NCAM2: variants seen among roughly 807,000 people sequenced by gnomAD.
The protein encoded by NCAM2 is neural cell adhesion molecule 2.
In NCAM2, 30 loss-of-function variants were observed where a neutral mutation model predicts 98.1. That is an observed-to-expected ratio of 0.31 (90% CI 0.23 to 0.41). The LOEUF (loss-of-function observed/expected upper bound fraction) is 0.41. Among genes scored for constraint, NCAM2 ranks in the 10% least tolerant of loss-of-function variants. NCAM2 has a pLI of 1.00. For synonymous variants in NCAM2, 368 were observed against 342.4 expected, an observed-to-expected ratio of 1.07 and a Z score of -0.83; for missense variants, 867 against 1,005.8, an observed-to-expected ratio of 0.86 and a Z score of 1.87.
chr21:21,524,140 G>A (rs1291390443), intron 16 of NCAM2, among the ~76,000 whole-genome samples: 1 of 151,912 alleles, frequency 6.6e-6, no homozygotes, highest in African/African-American at 2.4e-5. Context: ...ATGAAAGCAG[G>A]AATGGAAATA....
rs781034589 is a variant in NCAM2 at position 21,431,743 on chromosome 21, G to A, written c.1481-365G>A. On this transcript the variant is annotated intron_variant, in intron 11 of 17. Transcript: ENST00000400546. Reference sequence around the variant, plus strand: ...GAATAATTGATTTATGTATTCTAACGTTTTAACTACCCTCTTTATCTCTCT... The same window carrying A: ...GAATAATTGATTTATGTATTCTAACATTTTAACTACCCTCTTTATCTCTCT... Among the ~76,000 whole-genome samples the A allele has an allele frequency of 1.3e-4, 19 of 151,894 alleles. 1 individual carries two copies. The highest frequency in any genetic ancestry group is 2.4e-4 in the Non-Finnish European group (16 of 67,954).
chr21:21,421,149 A>G (rs1215800088), intron 11 of NCAM2, among the ~76,000 whole-genome samples: 1 of 151,958 alleles, frequency 6.6e-6, no homozygotes, highest in Non-Finnish European at 1.5e-5. Context: ...AGGGTGTATT[A>G]ATATTTGGTA....
intron 1 of NCAM2, among the ~76,000 whole-genome samples, chr21:21,222,136 A>G (rs76626441): frequency 0.013 from 1,973 of 152,242 alleles, 67 homozygotes; most frequent in South Asian, 0.066. Flanking sequence ...TACAGTTGAG[A>G]CCTACTACGC....
intron 5 of NCAM2, among the ~76,000 whole-genome samples, chr21:21,295,611 T>G (rs748175333): frequency 4.0e-5 from 6 of 151,776 alleles, no homozygotes; most frequent in Non-Finnish European, 7.4e-5. Context: ...TTTCTCTTGT[T>G]TTTTTCCTTC....
chr21:21,274,945 G>C (rs2072667266), intron 1 of NCAM2, among the ~76,000 whole-genome samples: 1 of 151,996 alleles, frequency 6.6e-6, no homozygotes, highest in South Asian at 2.1e-4. Flanking sequence ...AAATAGCAAA[G>C]GGCGCTTGGT....
chr21:21,276,694 A>G (rs1009299896), intron 1 of NCAM2, among the ~76,000 whole-genome samples: 4 of 152,136 alleles, frequency 2.6e-5, no homozygotes, highest in African/African-American at 9.6e-5. Context: ...TGTAGGATTT[A>G]CTAATATGCC....
chr21:21,108,321 C>G (rs905724213), intron 1 of NCAM2, among the ~76,000 whole-genome samples: 3 of 151,954 alleles, frequency 2.0e-5, no homozygotes, highest in Admixed American at 6.6e-5. Context: ...TTTCATACAA[C>G]TGGATTTCAT....
chr21:21,314,121 AC>A (rs2074143444), intron 5 of NCAM2, among the ~76,000 whole-genome samples: 1 of 152,062 alleles, frequency 6.6e-6, no homozygotes, highest in African/African-American at 2.4e-5. Context: ...TTTGTAACTC[AC>A]GTTTTATTTC....
intron 1 of NCAM2, among the ~76,000 whole-genome samples, chr21:21,061,391 G>T (rs2065318548): frequency 6.6e-6 from 1 of 152,114 alleles, no homozygotes; most frequent in Non-Finnish European, 1.5e-5. Context: ...GTTTGTTCCT[G>T]TTTTAATGAT....
intron 12 of NCAM2, among the ~76,000 whole-genome samples, chr21:21,445,815 T>G (rs1980042515): frequency 6.6e-6 from 1 of 152,148 alleles, no homozygotes. Context: ...GGGCATTTAG[T>G]CTGTTTACAT....
At chr21:21,355,850 C>G (rs900798132) in intron 8 of NCAM2, among the ~76,000 whole-genome samples, 5 of 152,094 alleles carry the variant, frequency 3.3e-5, no homozygotes, top group Non-Finnish European at 5.9e-5. Context: ...CTCAGGTGAT[C>G]CACCCACCTC....
intron 16 of NCAM2, among the ~76,000 whole-genome samples, chr21:21,524,739 G>A (rs549437154): frequency 4.0e-4 from 61 of 152,116 alleles, no homozygotes; most frequent in African/African-American, 1.4e-3. Context: ...CCTAGAATAG[G>A]CACCAAGATA....
intron 1 of NCAM2, among the ~76,000 whole-genome samples, chr21:21,157,420 G>A (rs910932291): frequency 6.6e-5 from 10 of 151,976 alleles, no homozygotes; most frequent in South Asian, 2.1e-4. Flanking sequence ...ATGAAAATTC[G>A]GCTTTTGTAT....
intron 15 of NCAM2, among the ~76,000 whole-genome samples, chr21:21,498,172 A>G (rs1987378670): frequency 6.6e-6 from 1 of 152,180 alleles, no homozygotes; most frequent in African/African-American, 2.4e-5. Context: ...TCTAAAAATT[A>G]AAAATCCCTC....
intron 1 of NCAM2, among the ~76,000 whole-genome samples, chr21:21,230,325 A>G (rs2070571398): frequency 6.6e-6 from 1 of 151,070 alleles, no homozygotes; most frequent in Non-Finnish European, 1.5e-5. Flanking sequence ...TTTTGAGATT[A>G]TGATGATAAA....
chr21:21,412,721 G>A (rs1374659024), intron 10 of NCAM2, among the ~76,000 whole-genome samples: 2 of 152,106 alleles, frequency 1.3e-5, no homozygotes, highest in Non-Finnish European at 2.9e-5. Flanking sequence ...ATGTTTATGT[G>A]TATACTCTCA....
At chr21:21,429,778 T>G (rs1701784524) in intron 11 of NCAM2, among the ~76,000 whole-genome samples, 1 of 152,200 alleles carries the variant, frequency 6.6e-6, no homozygotes, top group African/African-American at 2.4e-5. Flanking sequence ...TACACGTGTG[T>G]TTGAACCTTA....
chr21:21,165,241 C>G (rs944516679), intron 1 of NCAM2, among the ~76,000 whole-genome samples: 1 of 152,108 alleles, frequency 6.6e-6, no homozygotes, highest in African/African-American at 2.4e-5. Context: ...TAATTTTCCC[C>G]TAAATGATGA....
chr21:21,479,608 A>AAAAAAAAAT (rs1491473437), intron 15 of NCAM2, among the ~76,000 whole-genome samples: 2 of 127,916 alleles, frequency 1.6e-5, no homozygotes, highest in African/African-American at 5.6e-5. Context: ...AAAAAAAAAA[A>AAAAAAAAAT]TTGTTGATGA....
Sources: gnomAD v4.1 joint callset for allele counts (sites outside exome capture counted in the v4.1 genomes callset) on GRCh38, gnomAD v4.1.1 for gene constraint, MANE v1.5 for transcripts, NCBI Gene and HGNC (gene_info 2026-07-23, HGNC 2026-07-21) for gene names.